Variants in ITPRID1 observed in about 807,000 individuals in gnomAD.
The protein encoded by ITPRID1 is ITPR interacting domain containing 1.
Under a neutral mutation model 95.4 loss-of-function variants are expected in ITPRID1, and 96 were observed. The observed-to-expected ratio is 1.01, with a 90% CI of 0.85 to 1.19. The LOEUF is 1.19. Among genes scored for constraint, ITPRID1 ranks in the 50% most tolerant of loss-of-function variants. The probability of loss-of-function intolerance (pLI) is 0.00; values close to 1 mark genes in which losing one functional copy is unlikely to be tolerated. For synonymous variants in ITPRID1, 510 were observed against 453.6 expected, an observed-to-expected ratio of 1.12 and a Z score of -1.58; for missense variants, 1,339 against 1,252.9, an observed-to-expected ratio of 1.07 and a Z score of -1.04.
chr7:31,541,566 A>G (rs1783933479), intron 1 of ITPRID1, among the ~76,000 whole-genome samples: 1 of 152,174 alleles, frequency 6.6e-6, no homozygotes. Context: ...GATAACATAC[A>G]CTAAGATATA....
At chr7:31,621,372 C>CG (rs1213143221) in intron 10 of ITPRID1, among the ~76,000 whole-genome samples, 2 of 28,718 alleles carry the variant, frequency 7.0e-5, no homozygotes, top group African/African-American at 3.4e-4. Context: ...GTCGGGTTAC[C>CG]TCAAAGGGAA....
At chr7:31,616,288 T>C (rs16875604) in intron 10 of ITPRID1, among the ~76,000 whole-genome samples, 2,080 of 152,302 alleles carry the variant, frequency 0.014, 61 homozygotes, top group African/African-American at 0.047. Context: ...TAAAAAATTA[T>C]TGTATTTATG....
intron 1 of ITPRID1, among the ~76,000 whole-genome samples, chr7:31,520,067 T>C (rs1439660365): frequency 1.3e-5 from 2 of 152,154 alleles, no homozygotes; most frequent in Admixed American, 6.5e-5. Flanking sequence ...TTTCTTGCTT[T>C]TGATGATGGT....
intron 10 of ITPRID1, among the ~76,000 whole-genome samples, chr7:31,638,874 T>G (rs1789738465): frequency 6.6e-6 from 1 of 152,176 alleles, no homozygotes; most frequent in Non-Finnish European, 1.5e-5. Context: ...CCTCCCAGGT[T>G]CGAGCAATTC....
intron 10 of ITPRID1, among the ~76,000 whole-genome samples, chr7:31,589,038 A>G (rs190335129): frequency 2.0e-5 from 3 of 152,276 alleles, no homozygotes; most frequent in Admixed American, 1.3e-4. Context: ...CAGATGTTCT[A>G]ATCAGCAGAT....
chr7:31,558,290 T>C (rs931768295), intron 5 of ITPRID1, among the ~76,000 whole-genome samples: 1 of 152,152 alleles, frequency 6.6e-6, no homozygotes, highest in East Asian at 1.9e-4. Flanking sequence ...TGCGGTATTG[T>C]GTTATAGCAG....
chr7:31,627,622 T>G (rs976400267), intron 10 of ITPRID1, among the ~76,000 whole-genome samples: 1 of 124,662 alleles, frequency 8.0e-6, no homozygotes, highest in African/African-American at 3.1e-5. Flanking sequence ...ATCATGCCAC[T>G]GCAATCCAGC....
intron 10 of ITPRID1, among the ~76,000 whole-genome samples, chr7:31,635,171 T>C (rs1300013831): frequency 6.6e-6 from 1 of 152,216 alleles, no homozygotes; most frequent in Non-Finnish European, 1.5e-5. Context: ...CTGAGCTAGG[T>C]GATTTCTCAT....
At chr7:31,651,828 C>A in intron 13 of ITPRID1, 111 bp from the exon 14 acceptor site, 1 of 651,276 alleles carries the variant, frequency 1.5e-6, no homozygotes, top group Non-Finnish European at 2.6e-6. Context: ...ATAAAGATGA[C>A]ATTCTCTTTT....
At chr7:31,516,895 T>C (rs1312262502) in intron 1 of ITPRID1, among the ~76,000 whole-genome samples, 2 of 152,152 alleles carry the variant, frequency 1.3e-5, no homozygotes, top group Non-Finnish European at 2.9e-5. Flanking sequence ...TTCTTAAAAA[T>C]GGTGTGTCCA....
chr7:31,580,168 G>C (rs950519337), intron 9 of ITPRID1, among the ~76,000 whole-genome samples: 6 of 151,582 alleles, frequency 4.0e-5, no homozygotes, highest in Non-Finnish European at 8.8e-5. Flanking sequence ...TGTGGTGGAG[G>C]GTGCCTGTAA....
intron 10 of ITPRID1, among the ~76,000 whole-genome samples, chr7:31,600,291 C>T (rs563190634): frequency 6.6e-6 from 1 of 152,302 alleles, no homozygotes; most frequent in South Asian, 2.1e-4. Context: ...AAAGCTTTAA[C>T]TTTATTTACC....
At chr7:31,605,964 G>A (rs1008244127) in intron 10 of ITPRID1, among the ~76,000 whole-genome samples, 2 of 152,174 alleles carry the variant, frequency 1.3e-5, no homozygotes. Flanking sequence ...CCACCTGCAT[G>A]GCAGTCTCAC....
chr7:31,544,744 G>A (rs1295119800), intron 1 of ITPRID1, among the ~76,000 whole-genome samples: 1 of 152,064 alleles, frequency 6.6e-6, no homozygotes, highest in Non-Finnish European at 1.5e-5. Flanking sequence ...TGAATTAGTA[G>A]ATATCATTGA....
chr7:31,648,677 G>A (rs1175394404), intron 12 of ITPRID1, among the ~76,000 whole-genome samples: 1 of 152,154 alleles, frequency 6.6e-6, no homozygotes, highest in African/African-American at 2.4e-5. Flanking sequence ...ACACTTCCAT[G>A]ATCCTGGCGT....
At chr7:31,549,363 G>A in intron 1 of ITPRID1, 63 bp from the exon 2 acceptor site, 1 of 1,220,418 alleles carries the variant, frequency 8.2e-7, no homozygotes, top group South Asian at 2.3e-5. Flanking sequence ...AACTAACAGG[G>A]TCAAGTTTAT....
At chr7:31,569,619 G>C (rs1224039661) in intron 5 of ITPRID1, 139 bp from the exon 6 acceptor site, 1 of 660,988 alleles carries the variant, frequency 1.5e-6, no homozygotes, top group African/African-American at 1.8e-5. Flanking sequence ...TCTATTCACT[G>C]CAGTGATGCC....
At chr7:31,515,163 T>A (rs755210191) in intron 1 of ITPRID1, among the ~76,000 whole-genome samples, 1 of 152,114 alleles carries the variant, frequency 6.6e-6, no homozygotes, top group Admixed American at 6.5e-5. Context: ...GGAAAAGTTT[T>A]GCTTTTTAAA....
At chr7:31,520,618 A>G (rs1783220325) in intron 1 of ITPRID1, among the ~76,000 whole-genome samples, 2 of 151,548 alleles carry the variant, frequency 1.3e-5, no homozygotes. Flanking sequence ...CTATAAAGTG[A>G]TATAAGCTCA....
Sources: allele counts gnomAD v4.1 joint callset (sites outside exome capture counted in the v4.1 genomes callset), GRCh38; gene constraint gnomAD v4.1.1; transcripts MANE v1.5; gene names NCBI Gene and HGNC (gene_info 2026-07-23, HGNC 2026-07-21).